The following UVRAG variants were observed in gnomAD, a reference collection of about 807,000 sequenced individuals.
UVRAG encodes the protein UV radiation resistance associated, also known as UV radiation resistance-associated gene protein.
Under a neutral mutation model 78.0 loss-of-function variants are expected in UVRAG, and 19 were observed. That is an observed-to-expected ratio of 0.24 (90% CI 0.17 to 0.36). The LOEUF is 0.36. Ranked by LOEUF, UVRAG falls within the 10% of genes least tolerant of loss-of-function variation. UVRAG has a pLI of 1.00. For missense variants in UVRAG, 740 were observed against 853.8 expected, an observed-to-expected ratio of 0.87 and a Z score of 1.66; for synonymous variants, 323 against 324.6, an observed-to-expected ratio of 1.00 and a Z score of 0.05.
At chr11:75,885,941 C>T (rs1947067307) in intron 4 of UVRAG, among the ~76,000 whole-genome samples, 2 of 121,458 alleles carry the variant, frequency 1.6e-5, no homozygotes, top group Non-Finnish European at 3.2e-5. Flanking sequence ...TATTATCTCA[C>T]CGTTTTTATG....
chr11:75,953,830 T>C (rs1455718886), intron 6 of UVRAG, among the ~76,000 whole-genome samples: 1 of 152,188 alleles, frequency 6.6e-6, no homozygotes, highest in East Asian at 1.9e-4. Context: ...GGATAGCTAT[T>C]TGATCTCTCC....
chr11:76,130,427 A>G (rs1952493602), intron 14 of UVRAG, among the ~76,000 whole-genome samples: 1 of 152,220 alleles, frequency 6.6e-6, no homozygotes. Flanking sequence ...CTCAATACAT[A>G]TTTGAATAAG....
At chr11:75,871,388 G>A (rs1428777097) in intron 3 of UVRAG, among the ~76,000 whole-genome samples, 1 of 149,724 alleles carries the variant, frequency 6.7e-6, no homozygotes, top group Admixed American at 6.7e-5. Flanking sequence ...CCAGGTTCAA[G>A]TGATTATCCC....
chr11:76,098,507 T>G (rs559059771), intron 13 of UVRAG, among the ~76,000 whole-genome samples: 4 of 152,230 alleles, frequency 2.6e-5, no homozygotes, highest in African/African-American at 9.6e-5. Context: ...TAAAATGGCT[T>G]TTTATTAGAT....
At chr11:75,965,457 G>A (rs567753894) in intron 7 of UVRAG, among the ~76,000 whole-genome samples, 15 of 152,186 alleles carry the variant, frequency 9.9e-5, no homozygotes, top group South Asian at 2.1e-4. Flanking sequence ...GACTACAGGC[G>A]TCCACCACCA....
chr11:76,074,518 A>G (rs1044507300), intron 13 of UVRAG, among the ~76,000 whole-genome samples: 5 of 152,184 alleles, frequency 3.3e-5, no homozygotes, highest in African/African-American at 1.2e-4. Flanking sequence ...AATAATAATG[A>G]TGATTTACAT....
intron 1 of UVRAG, among the ~76,000 whole-genome samples, chr11:75,823,347 G>C (rs1945440971): frequency 6.6e-6 from 1 of 152,138 alleles, no homozygotes; most frequent in Non-Finnish European, 1.5e-5. Context: ...CCCTTCTTGA[G>C]GGTAGAGTAT....
chr11:75,829,790 T>A (rs991641890), intron 1 of UVRAG, among the ~76,000 whole-genome samples: 4 of 152,220 alleles, frequency 2.6e-5, no homozygotes, highest in African/African-American at 9.7e-5. Flanking sequence ...CAGTAAAAGT[T>A]TAAGGATACT....
At chr11:75,961,386 G>T in intron 6 of UVRAG, 58 bp from the exon 7 acceptor site, 3 of 1,342,976 alleles carry the variant, frequency 2.2e-6, no homozygotes, top group Non-Finnish European at 3.1e-6. Context: ...TATATCTGAG[G>T]CTCTTTGTTG....
chr11:76,102,297 T>G (rs1951892010), intron 13 of UVRAG, among the ~76,000 whole-genome samples: 1 of 152,192 alleles, frequency 6.6e-6, no homozygotes, highest in Non-Finnish European at 1.5e-5. Flanking sequence ...TTGACCTGCT[T>G]GGTTAGCTAT....
chr11:75,954,688 C>A (rs1297666760), intron 6 of UVRAG, among the ~76,000 whole-genome samples: 1 of 152,166 alleles, frequency 6.6e-6, no homozygotes, highest in Non-Finnish European at 1.5e-5. Context: ...CTCCTTTGTG[C>A]CACATTCTGT....
At chr11:75,950,612 T>C (rs1453014837) in intron 6 of UVRAG, among the ~76,000 whole-genome samples, 1 of 152,138 alleles carries the variant, frequency 6.6e-6, no homozygotes, top group African/African-American at 2.4e-5. Context: ...TTTAACTTAT[T>C]AGGTATTGCC....
intron 12 of UVRAG, among the ~76,000 whole-genome samples, chr11:76,030,900 A>G (rs2135399715): frequency 6.6e-6 from 1 of 152,214 alleles, no homozygotes; most frequent in South Asian, 2.1e-4. Context: ...TAACAGCCCA[A>G]CTCAATGATG....
At chr11:75,995,602 G>A (rs1266914197) in intron 8 of UVRAG, among the ~76,000 whole-genome samples, 1 of 150,854 alleles carries the variant, frequency 6.6e-6, no homozygotes, top group East Asian at 1.9e-4. Flanking sequence ...CTTTTGGTCT[G>A]CATCTCAGAT....
chr11:75,828,021 T>G (rs1022085988), intron 1 of UVRAG, among the ~76,000 whole-genome samples: 1 of 152,092 alleles, frequency 6.6e-6, no homozygotes, highest in African/African-American at 2.4e-5. Flanking sequence ...TGAAGAAAGC[T>G]TTCTGGTTTT....
At chr11:75,839,379 A>G in intron 1 of UVRAG, among the ~76,000 whole-genome samples, 1 of 151,912 alleles carries the variant, frequency 6.6e-6, no homozygotes, top group Non-Finnish European at 1.5e-5. Context: ...CTTTGTGTTT[A>G]TAAAATAATT....
intron 11 of UVRAG, chr11:76,012,820 TGTG>T (rs1230961808): frequency 1.3e-5 from 2 of 150,842 alleles, no homozygotes; most frequent in Non-Finnish European, 2.9e-5. Context: ...TGTGTGTGTG[TGTG>T]TGTGTGTGTG....
chr11:75,939,514 A>G (rs1948440712), intron 6 of UVRAG, among the ~76,000 whole-genome samples: 1 of 152,250 alleles, frequency 6.6e-6, no homozygotes, highest in South Asian at 2.1e-4. Flanking sequence ...CTTTTTCACT[A>G]TAGCAGTGTT....
chr11:75,924,217 AT>A (rs541831780), intron 6 of UVRAG, among the ~76,000 whole-genome samples: 153 of 152,276 alleles, frequency 1.0e-3, no homozygotes, highest in African/African-American at 3.5e-3. Flanking sequence ...TTTTTGAGGA[AT>A]TTTTTAAATG....
Sources: allele counts gnomAD v4.1 joint callset (sites outside exome capture counted in the v4.1 genomes callset), GRCh38; gene constraint gnomAD v4.1.1; transcripts MANE v1.5; gene names NCBI Gene and HGNC (gene_info 2026-07-23, HGNC 2026-07-21).